TMEM132C: variants seen among roughly 807,000 people sequenced by gnomAD.
TMEM132C encodes the protein protein phosphatase 1, regulatory subunit 152.
TMEM132C carries 29 observed loss-of-function variants against 61.4 expected under a neutral mutation model. That is an observed-to-expected ratio of 0.47 (90% CI 0.35 to 0.64). TMEM132C has a LOEUF of 0.64. TMEM132C is among the 30% of genes least tolerant of loss of function. The probability of loss-of-function intolerance (pLI) is 0.00; values close to 1 mark genes in which losing one functional copy is unlikely to be tolerated. For synonymous variants in TMEM132C, 656 were observed against 633.1 expected (o/e 1.04, Z -0.54); for missense variants, 1,408 against 1,476.9 (o/e 0.95, Z 0.76).
At chr12:128,668,844 C>T (rs574451311) in intron 4 of TMEM132C, among the ~76,000 whole-genome samples, 14 of 152,264 alleles carry the variant, frequency 9.2e-5, no homozygotes, top group Non-Finnish European at 1.5e-4. Context: ...GCAACATCTC[C>T]TCCTCCTCCT....
intron 3 of TMEM132C, among the ~76,000 whole-genome samples, chr12:128,555,800 G>C (rs112516370): frequency 6.6e-6 from 1 of 150,918 alleles, no homozygotes; most frequent in African/African-American, 2.4e-5. Flanking sequence ...CTGCAGCCTC[G>C]ACCTCCTGGG....
chr12:128,699,714 A>C (rs964504227), intron 8 of TMEM132C, among the ~76,000 whole-genome samples: 1 of 152,230 alleles, frequency 6.6e-6, no homozygotes, highest in Admixed American at 6.5e-5. Context: ...ATGTAACAAT[A>C]TAACATAATC....
At chr12:128,335,932 G>A (rs1333493028) in intron 1 of TMEM132C, among the ~76,000 whole-genome samples, 1 of 152,178 alleles carries the variant, frequency 6.6e-6, no homozygotes, top group Non-Finnish European at 1.5e-5. Flanking sequence ...ACAGAGTGTA[G>A]ATATTCTTAA....
At chr12:128,510,746 G>A (rs1288606192) in intron 2 of TMEM132C, among the ~76,000 whole-genome samples, 1 of 152,244 alleles carries the variant, frequency 6.6e-6, no homozygotes, top group Non-Finnish European at 1.5e-5. Flanking sequence ...TCCCCAGGCA[G>A]GATCAAAGGC....
intron 2 of TMEM132C, among the ~76,000 whole-genome samples, chr12:128,540,561 T>G (rs545564788): frequency 6.6e-6 from 1 of 152,306 alleles, no homozygotes; most frequent in East Asian, 1.9e-4. Context: ...CAATTCTCTG[T>G]TTTCTTAAAC....
chr12:128,495,022 T>C (rs7316161), intron 2 of TMEM132C, among the ~76,000 whole-genome samples: 2,987 of 91,634 alleles, frequency 0.033, 52 homozygotes, highest in East Asian at 0.076. Flanking sequence ...TTGAATGTGT[T>C]CCAGAGATTC....
intron 1 of TMEM132C, among the ~76,000 whole-genome samples, chr12:128,409,704 G>A (rs976923197): frequency 9.2e-5 from 14 of 152,132 alleles, no homozygotes; most frequent in Admixed American, 3.9e-4. Flanking sequence ...AGAGCCCAGA[G>A]GCATGTAGTT....
At chr12:128,348,571 G>C (rs1873244596) in intron 1 of TMEM132C, among the ~76,000 whole-genome samples, 1 of 152,298 alleles carries the variant, frequency 6.6e-6, no homozygotes, top group Non-Finnish European at 1.5e-5. Flanking sequence ...GGTCCACTGA[G>C]TGCTTTTGTG....
intron 2 of TMEM132C, among the ~76,000 whole-genome samples, chr12:128,464,344 T>C (rs1437252426): frequency 6.6e-6 from 1 of 152,136 alleles, no homozygotes; most frequent in East Asian, 1.9e-4. Context: ...CCCCACATCC[T>C]AGTTGGGGGT....
chr12:128,404,941 A>C (rs1875288823), intron 1 of TMEM132C: 1 of 152,198 alleles, frequency 6.6e-6, no homozygotes, highest in Non-Finnish European at 1.5e-5. Context: ...ACAGATAAAG[A>C]AAATGGATAA....
intron 4 of TMEM132C, among the ~76,000 whole-genome samples, chr12:128,646,203 G>C (rs1350821579): frequency 6.6e-6 from 1 of 152,086 alleles, no homozygotes; most frequent in East Asian, 1.9e-4. Flanking sequence ...GAGTCCATCA[G>C]TGTTGGATGT....
At chr12:128,544,521 T>C (rs1873882683) in intron 3 of TMEM132C, among the ~76,000 whole-genome samples, 1 of 152,226 alleles carries the variant, frequency 6.6e-6, no homozygotes, top group South Asian at 2.1e-4. Context: ...GTGGCAATAA[T>C]GGAGAAGCAC....
chr12:128,423,849 T>C (rs867092012), intron 2 of TMEM132C, among the ~76,000 whole-genome samples: 6 of 151,558 alleles, frequency 4.0e-5, no homozygotes, highest in South Asian at 4.2e-4. Context: ...CTGGCTAACA[T>C]GGTGAAACCC....
intron 3 of TMEM132C, among the ~76,000 whole-genome samples, chr12:128,587,128 G>A (rs1875577193): frequency 6.6e-6 from 1 of 152,234 alleles, no homozygotes; most frequent in Non-Finnish European, 1.5e-5. Context: ...GTGGGTGTTG[G>A]CAGCAGTGGA....
intron 1 of TMEM132C, among the ~76,000 whole-genome samples, chr12:128,275,245 G>A (rs1394448297): frequency 6.6e-6 from 1 of 152,204 alleles, no homozygotes; most frequent in African/African-American, 2.4e-5. Context: ...TGATGGATAA[G>A]CGAGCAATGC....
intron 1 of TMEM132C, among the ~76,000 whole-genome samples, chr12:128,376,555 A>C (rs553138834): frequency 6.6e-6 from 1 of 152,336 alleles, no homozygotes; most frequent in African/African-American, 2.4e-5. Flanking sequence ...AAACCCCTTA[A>C]GTTCTAGGGG....
intron 2 of TMEM132C, among the ~76,000 whole-genome samples, chr12:128,482,886 G>A (rs1330428411): frequency 7.2e-5 from 11 of 151,974 alleles, no homozygotes; most frequent in South Asian, 4.2e-4. Flanking sequence ...CACATCCCTG[G>A]GTGAGTGGGC....
chr12:128,450,334 A>C (rs1870136098), intron 2 of TMEM132C, among the ~76,000 whole-genome samples: 1 of 152,188 alleles, frequency 6.6e-6, no homozygotes, highest in Admixed American at 6.5e-5. Context: ...CAAGGTCAAA[A>C]ATAAATGATA....
intron 2 of TMEM132C, among the ~76,000 whole-genome samples, chr12:128,515,168 A>T (rs747158720): frequency 6.6e-6 from 1 of 152,338 alleles, no homozygotes; most frequent in East Asian, 1.9e-4. Flanking sequence ...TCTCCCCTAC[A>T]TGCTGGAGGT....
Sources: gnomAD v4.1 joint callset for allele counts (sites outside exome capture counted in the v4.1 genomes callset) on GRCh38, gnomAD v4.1.1 for gene constraint, MANE v1.5 for transcripts, NCBI Gene and HGNC (gene_info 2026-07-23, HGNC 2026-07-21) for gene names.